Variants in CIMIP6 observed in about 807,000 individuals in gnomAD.
CIMIP6 encodes uncharacterized protein C2orf73.
At chr2:54,364,991 A>T in the CIMIP6 span, among the ~76,000 whole-genome samples, 1 of 152,206 alleles carries the variant, frequency 6.6e-6, no homozygotes, top group East Asian at 1.9e-4. Flanking sequence ...CAGAGTTGGA[A>T]TCAGAGGATG....
chr2:54,364,955 AAG>A, the CIMIP6 span, among the ~76,000 whole-genome samples: 1 of 152,242 alleles, frequency 6.6e-6, no homozygotes, highest in Non-Finnish European at 1.5e-5. Context: ...AGCAATGAGC[AAG>A]AGGTGAGACT....
chr2:54,377,309 G>A, the CIMIP6 span, among the ~76,000 whole-genome samples: 12 of 152,170 alleles, frequency 7.9e-5, no homozygotes, highest in Non-Finnish European at 1.3e-4. Context: ...GGGAAGAGAT[G>A]TGTACAGTGT....
At chr2:54,352,441 A>T in the CIMIP6 span, among the ~76,000 whole-genome samples, 1 of 152,354 alleles carries the variant, frequency 6.6e-6, no homozygotes, top group African/African-American at 2.4e-5. Flanking sequence ...GTTAACTGAC[A>T]AACAAAAATT....
At chr2:54,342,267 A>T in the CIMIP6 span, among the ~76,000 whole-genome samples, 2 of 152,192 alleles carry the variant, frequency 1.3e-5, no homozygotes, top group Non-Finnish European at 2.9e-5. Context: ...TTCCTTAACA[A>T]CCTCAAGTTG....
the CIMIP6 span, among the ~76,000 whole-genome samples, chr2:54,344,967 C>A: frequency 6.6e-6 from 1 of 152,074 alleles, no homozygotes. Flanking sequence ...ATACTATTTG[C>A]CAGGCACTTT....
the CIMIP6 span, among the ~76,000 whole-genome samples, chr2:54,352,770 T>G: frequency 6.6e-6 from 1 of 152,218 alleles, no homozygotes; most frequent in Non-Finnish European, 1.5e-5. Context: ...AATCTCTAGA[T>G]TACTTAGAAT....
the CIMIP6 span, among the ~76,000 whole-genome samples, chr2:54,367,856 TTTTC>T: frequency 6.6e-6 from 1 of 152,194 alleles, no homozygotes; most frequent in African/African-American, 2.4e-5. Flanking sequence ...ACTTGCAATA[TTTTC>T]TTTATTACAA....
At chr2:54,353,287 C>T in the CIMIP6 span, among the ~76,000 whole-genome samples, 3 of 152,144 alleles carry the variant, frequency 2.0e-5, no homozygotes, top group African/African-American at 4.8e-5. Flanking sequence ...CTGATTGTTT[C>T]GGATGAATAC....
the CIMIP6 span, among the ~76,000 whole-genome samples, chr2:54,366,455 A>G: frequency 6.6e-6 from 1 of 152,198 alleles, no homozygotes; most frequent in African/African-American, 2.4e-5. Flanking sequence ...GCTTGTAGCA[A>G]ATTCTACTCC....
At chr2:54,360,556 A>G in the CIMIP6 span, 9 of 1,487,384 alleles carry the variant, frequency 6.1e-6, no homozygotes, top group Non-Finnish European at 7.2e-6. Context: ...TTAAAAAATC[A>G]GAATAAATTA....
chr2:54,367,910 T>C, the CIMIP6 span, among the ~76,000 whole-genome samples: 1 of 152,170 alleles, frequency 6.6e-6, no homozygotes, highest in Non-Finnish European at 1.5e-5. Flanking sequence ...TTGAAGTCTG[T>C]AGATTGAGAA....
chr2:54,382,380 A>G, the CIMIP6 span, among the ~76,000 whole-genome samples: 1 of 152,234 alleles, frequency 6.6e-6, no homozygotes, highest in East Asian at 1.9e-4. Flanking sequence ...AATATAAACA[A>G]TGAAGAATTA....
At chr2:54,358,930 G>T in the CIMIP6 span, 1 of 1,168,708 alleles carries the variant, frequency 8.6e-7, no homozygotes, top group Non-Finnish European at 1.2e-6. Context: ...CTAATTTTTT[G>T]TCCTGACTTC....
At chr2:54,361,885 G>C in the CIMIP6 span, among the ~76,000 whole-genome samples, 1 of 152,174 alleles carries the variant, frequency 6.6e-6, no homozygotes, top group Non-Finnish European at 1.5e-5. Flanking sequence ...GTCCTCCAAA[G>C]TAGAAAGATA....
the CIMIP6 span, among the ~76,000 whole-genome samples, chr2:54,379,133 A>T: frequency 6.6e-6 from 1 of 152,230 alleles, no homozygotes; most frequent in African/African-American, 2.4e-5. Context: ...CCAGTTTCCT[A>T]GCCTGGCTTC....
At chr2:54,362,408 C>G in the CIMIP6 span, among the ~76,000 whole-genome samples, 2 of 152,120 alleles carry the variant, frequency 1.3e-5, no homozygotes, top group East Asian at 3.9e-4. Context: ...TTTTTTTCCA[C>G]CTTAGAAAAT....
chr2:54,374,889 C>T, the CIMIP6 span, among the ~76,000 whole-genome samples: 1 of 152,218 alleles, frequency 6.6e-6, no homozygotes, highest in African/African-American at 2.4e-5. Context: ...GCAGCCTTCC[C>T]CACTGCATTT....
chr2:54,333,763 C>T, the CIMIP6 span, among the ~76,000 whole-genome samples: 1 of 151,926 alleles, frequency 6.6e-6, no homozygotes, highest in South Asian at 2.1e-4. Context: ...CGTGGTGGTG[C>T]GCGCCTGTAA....
At chr2:54,376,253 G>C in the CIMIP6 span, among the ~76,000 whole-genome samples, 32 of 151,524 alleles carry the variant, frequency 2.1e-4, no homozygotes, top group Non-Finnish European at 4.1e-4. Context: ...CATGTTGCCC[G>C]AGCTGGTCTG....
Sources: gnomAD v4.1 joint callset for allele counts (sites outside exome capture counted in the v4.1 genomes callset) on GRCh38, gnomAD v4.1.1 for gene constraint, MANE v1.5 for transcripts, NCBI Gene and HGNC (gene_info 2026-07-23, HGNC 2026-07-21) for gene names.